Variants in ACACA observed in about 807,000 individuals in gnomAD.
The protein encoded by ACACA is acetyl-CoA carboxylase alpha.
A neutral mutation model predicts 296.1 loss-of-function variants in ACACA; 103 were observed. The observed-to-expected ratio is 0.35, with a 90% CI of 0.30 to 0.41. ACACA has a LOEUF of 0.41. ACACA is among the 10% of genes least tolerant of loss of function. The pLI, the probability that ACACA is intolerant of heterozygous loss-of-function variation, is 1.00. For missense variants in ACACA, 1,554 were observed against 2,989.7 expected, an observed-to-expected ratio of 0.52 and a Z score of 11.20; for synonymous variants, 953 against 1,038.6, an observed-to-expected ratio of 0.92 and a Z score of 1.58.
intron 3 of ACACA, among the ~76,000 whole-genome samples, chr17:37,322,920 C>T (rs1473076409): frequency 6.6e-6 from 1 of 152,254 alleles, no homozygotes; most frequent in African/African-American, 2.4e-5. Flanking sequence ...ACCTTGCACT[C>T]ATCCTTCGAG....
chr17:37,118,804 A>G (rs1423384853), intron 50 of ACACA, among the ~76,000 whole-genome samples: 1 of 152,260 alleles, frequency 6.6e-6, no homozygotes. Context: ...TATGTAAGAT[A>G]ATACATGTAA....
intron 1 of ACACA, 31 bp downstream of exon 1, chr17:37,406,231 A>C (rs1224059969): frequency 6.2e-7 from 1 of 1,611,356 alleles, no homozygotes; most frequent in Non-Finnish European, 8.5e-7. Context: ...AATCATCATT[A>C]ACAGCAGTAA....
intron 2 of ACACA, among the ~76,000 whole-genome samples, chr17:37,339,003 AAAAG>A (rs1318651081): frequency 1.3e-5 from 2 of 152,214 alleles, no homozygotes; most frequent in Admixed American, 6.5e-5. Flanking sequence ...AAGGGAGGGA[AAAAG>A]AAAGAAAGGG....
chr17:37,200,624 TTG>T, intron 33 of ACACA, 141 bp from the exon 34 acceptor site: 3 of 764,986 alleles, frequency 3.9e-6, no homozygotes, highest in Middle Eastern at 4.5e-4. Context: ...ACCTTCAAAC[TTG>T]CAAGTGAACA....
chr17:37,166,628 G>A (rs1450435157), intron 41 of ACACA, among the ~76,000 whole-genome samples: 3 of 152,150 alleles, frequency 2.0e-5, no homozygotes, highest in Admixed American at 2.0e-4. Flanking sequence ...TCTAAAAGTT[G>A]ACAACTACTG....
At chr17:37,394,185 G>A (rs2050993956) in intron 1 of ACACA, among the ~76,000 whole-genome samples, 1 of 151,768 alleles carries the variant, frequency 6.6e-6, no homozygotes, top group Non-Finnish European at 1.5e-5. Context: ...AATTATTCCT[G>A]TGGAATTATT....
chr17:37,270,685 T>G (rs1567916991), intron 10 of ACACA, 66 bp downstream of exon 10: 7 of 1,200,274 alleles, frequency 5.8e-6, no homozygotes, highest in Non-Finnish European at 6.2e-6. Flanking sequence ...AATTATAGTA[T>G]GAGTTAAATC....
intron 3 of ACACA, among the ~76,000 whole-genome samples, chr17:37,323,053 T>A (rs1449356958): frequency 6.6e-6 from 1 of 152,248 alleles, no homozygotes; most frequent in East Asian, 1.9e-4. Flanking sequence ...ACACAAGCTG[T>A]CTGCAGACAG....
rs747968731 is a variant in ACACA, at chr17:37,253,046, C to CA, written c.1827-11dup. On this transcript the variant is annotated splice_polypyrimidine_tract_variant and intron_variant, in intron 14 of 55. Coordinates refer to ENST00000616317, the MANE Select transcript of ACACA (RefSeq NM_198834.3). ...AGCCACCACCATGTTTCTGGGAGAA[C>CA]AGAAGCCAATCTGTTTCAGCAACAA... 3.1e-6 allele frequency: 5 copies of CA among 1,614,198 alleles called. No homozygotes were observed. Among genetic ancestry groups the CA allele is most frequent in the Non-Finnish European group, 4.2e-6 (5 of 1,180,036 alleles).
chr17:37,165,301 G>C (rs1037424392), intron 41 of ACACA, among the ~76,000 whole-genome samples: 24 of 152,114 alleles, frequency 1.6e-4, no homozygotes, highest in Admixed American at 3.9e-4. Flanking sequence ...GCTAATCAAA[G>C]GATAGGGCAT....
intron 3 of ACACA, among the ~76,000 whole-genome samples, chr17:37,305,633 C>T (rs1249866282): frequency 6.6e-6 from 1 of 152,206 alleles, no homozygotes; most frequent in East Asian, 1.9e-4. Flanking sequence ...CTTGCCCCAA[C>T]CACAAACAGG....
chr17:37,210,691 A>G (rs995643555), intron 29 of ACACA, among the ~76,000 whole-genome samples: 1 of 145,924 alleles, frequency 6.9e-6, no homozygotes, highest in African/African-American at 2.6e-5. Context: ...TCACCACACC[A>G]GCTGTTGATG....
At chr17:37,267,297 C>T (rs1229269056) in intron 10 of ACACA, among the ~76,000 whole-genome samples, 1 of 152,154 alleles carries the variant, frequency 6.6e-6, no homozygotes, top group Non-Finnish European at 1.5e-5. Context: ...GTCTCATTTA[C>T]ATGTCTCAAA....
chr17:37,155,427 A>AT (rs746434090), intron 43 of ACACA, among the ~76,000 whole-genome samples: 2 of 151,744 alleles, frequency 1.3e-5, no homozygotes, highest in South Asian at 2.1e-4. Flanking sequence ...ATTGTGGCTA[A>AT]TTTTTTTTTC....
intron 50 of ACACA, among the ~76,000 whole-genome samples, chr17:37,118,341 G>A (rs1380356909): frequency 6.6e-6 from 1 of 152,176 alleles, no homozygotes; most frequent in Non-Finnish European, 1.5e-5. Context: ...AGATACCAGT[G>A]ATAGTTACAC....
At chr17:37,174,014 ATATATATTTTT>A (rs1358124175) in intron 41 of ACACA, among the ~76,000 whole-genome samples, 7 of 14,006 alleles carry the variant, frequency 5.0e-4, no homozygotes, top group African/African-American at 6.2e-4. Flanking sequence ...ATATATATAT[ATATATATTTTT>A]TTTTTTTTTT....
intron 25 of ACACA, 86 bp downstream of exon 25, chr17:37,234,889 T>C: frequency 6.7e-7 from 1 of 1,489,610 alleles, no homozygotes; most frequent in Admixed American, 1.7e-5. Context: ...AGTAGTTTTT[T>C]TTCTCTGGCC....
At chr17:37,153,621 G>A (rs1241527546) in intron 43 of ACACA, among the ~76,000 whole-genome samples, 1 of 152,134 alleles carries the variant, frequency 6.6e-6, no homozygotes, top group Non-Finnish European at 1.5e-5. Context: ...GTAAGAAACT[G>A]TAATTATTTA....
intron 3 of ACACA, among the ~76,000 whole-genome samples, chr17:37,310,811 A>AAAAAG (rs1555639630): frequency 6.4e-4 from 95 of 149,354 alleles, no homozygotes; most frequent in African/African-American, 2.2e-3. Context: ...AAAAAAAAAA[A>AAAAAG]AAAGAAAGAA....
Sources: gnomAD v4.1 joint callset for allele counts (sites outside exome capture counted in the v4.1 genomes callset) on GRCh38, gnomAD v4.1.1 for gene constraint, MANE v1.5 for transcripts, NCBI Gene and HGNC (gene_info 2026-07-23, HGNC 2026-07-21) for gene names.